KALRN: variants seen among roughly 807,000 people sequenced by gnomAD.
KALRN encodes the protein kalirin.
Under a neutral mutation model 353.7 loss-of-function variants are expected in KALRN, and 70 were observed. The ratio of observed to expected loss-of-function variants is 0.20; its 90% confidence interval spans 0.16 to 0.24. The LOEUF (loss-of-function observed/expected upper bound fraction) is 0.24, where lower values mean the gene tolerates loss of function less well. Among genes scored for constraint, KALRN ranks in the 10% least tolerant of loss-of-function variants. KALRN has a pLI of 1.00. For missense variants in KALRN, 2,791 were observed against 3,756.7 expected (o/e 0.74, Z 6.72); for synonymous variants, 1,391 against 1,434.8 (o/e 0.97, Z 0.69).
intron 13 of KALRN, chr3:124,410,190 C>T (rs2092011545): frequency 1.9e-6 from 1 of 532,420 alleles, no homozygotes; most frequent in Non-Finnish European, 3.9e-6. Flanking sequence ...TCTGACGTGA[C>T]TCTCTTCTCC....
At chr3:124,515,302 G>A (rs2108902459) in intron 33 of KALRN, among the ~76,000 whole-genome samples, 1 of 152,224 alleles carries the variant, frequency 6.6e-6, no homozygotes, top group Non-Finnish European at 1.5e-5. Flanking sequence ...GGAGATAGGG[G>A]AAATTTTAGC....
In KALRN at chr3:124,033,452, C is replaced by T. The variant is rs911900431; in HGVS notation, c.-289C>T. On this transcript the variant is annotated 5_prime_UTR_variant, in exon 1 of 60. Coordinates refer to ENST00000682506, the MANE Select transcript of KALRN (RefSeq NM_001388419.1). This position sits in a 1 kb window ranked among gnomAD's most constrained non-coding sequence, Gnocchi z 6.2. The stretch of plus-strand genomic sequence containing the variant: ...GGCGCCCAGGCAGCCCGCACCCCGG[C>T]CCCGGGCCCCGGCCCCAGCCAGACA... 6.6e-6 allele frequency among the ~76,000 whole-genome samples: 1 copy of T among 151,840 alleles called. No homozygotes were observed. The highest frequency in any genetic ancestry group is 2.4e-5 in the African/African-American group (1 of 41,408).
At chr3:124,612,704 A>G (rs1449243138) in intron 34 of KALRN, among the ~76,000 whole-genome samples, 1 of 152,190 alleles carries the variant, frequency 6.6e-6, no homozygotes, top group African/African-American at 2.4e-5. Flanking sequence ...TTAGTTTCTT[A>G]TCTGACTCCC....
At position 124,051,076 on chromosome 3, in the gene KALRN, C is replaced by T. The variant is rs1403698004; in HGVS notation, c.73+17263C>T. On this transcript the variant is annotated intron_variant, in intron 1 of 59. Transcript: ENST00000682506. The stretch of plus-strand genomic sequence containing the variant: ...ATGAGGCTCCCGAGATTGCCTTCAT[C>T]GGGATTCCATGTATATACATGTATA... Among the ~76,000 whole-genome samples the T allele has an allele frequency of 3.9e-5, 6 of 152,176 alleles. No individual in the cohort carries two copies. The East Asian group carries it at 9.6e-4, about 24-fold the overall frequency.
At chr3:124,708,711 T>A (rs2062753500) in intron 57 of KALRN, among the ~76,000 whole-genome samples, 1 of 151,706 alleles carries the variant, frequency 6.6e-6, no homozygotes. Context: ...GCAGAAAAAA[T>A]TTTTGAAGAA....
chr3:124,524,020 A>G (rs2067375378), intron 33 of KALRN, among the ~76,000 whole-genome samples: 1 of 152,226 alleles, frequency 6.6e-6, no homozygotes. Context: ...TTTACTATGT[A>G]TCAGACACTC....
chr3:124,259,563 T>C (rs560153161), intron 3 of KALRN, among the ~76,000 whole-genome samples: 19 of 152,210 alleles, frequency 1.2e-4, no homozygotes, highest in African/African-American at 4.3e-4. Flanking sequence ...CACAGAGGGG[T>C]TCCACAGTAA....
intron 3 of KALRN, among the ~76,000 whole-genome samples, chr3:124,258,928 C>T (rs546559140): frequency 6.6e-6 from 1 of 152,220 alleles, no homozygotes; most frequent in East Asian, 1.9e-4. Context: ...TATGGAGGGC[C>T]AACTGTATAC....
intron 1 of KALRN, among the ~76,000 whole-genome samples, chr3:124,095,113 G>T (rs1287460910): frequency 6.6e-6 from 1 of 152,158 alleles, no homozygotes; most frequent in Non-Finnish European, 1.5e-5. Flanking sequence ...GGAATCGGGA[G>T]CACAGGGTCA....
At chr3:124,396,501 C>G (rs531754250) in intron 12 of KALRN, among the ~76,000 whole-genome samples, 2 of 152,306 alleles carry the variant, frequency 1.3e-5, no homozygotes, top group African/African-American at 4.8e-5. Flanking sequence ...CTGTCATTTG[C>G]TTCCGAAGAG....
chr3:124,495,964 T>TATATATATAC, intron 32 of KALRN, among the ~76,000 whole-genome samples: 1 of 21,884 alleles, frequency 4.6e-5, no homozygotes, highest in Non-Finnish European at 7.9e-5. Context: ...TGTGTATGTA[T>TATATATATAC]GTATATATAT....
chr3:124,589,936 G>A (rs1011044723), intron 34 of KALRN, among the ~76,000 whole-genome samples: 1 of 152,218 alleles, frequency 6.6e-6, no homozygotes, highest in Non-Finnish European at 1.5e-5. Context: ...TGGATACACA[G>A]GGCCTACTGT....
At chr3:124,566,996 A>G (rs1004681416) in intron 34 of KALRN, among the ~76,000 whole-genome samples, 2 of 152,178 alleles carry the variant, frequency 1.3e-5, no homozygotes, top group African/African-American at 4.8e-5. Flanking sequence ...TGCTCAGGCC[A>G]TGACTATCAC....
chr3:124,131,636 C>G (rs2065289493), intron 1 of KALRN, among the ~76,000 whole-genome samples: 1 of 152,168 alleles, frequency 6.6e-6, no homozygotes, highest in South Asian at 2.1e-4. Flanking sequence ...GCTCAGGGCT[C>G]TCAGTGGCAG....
intron 1 of KALRN, among the ~76,000 whole-genome samples, chr3:124,048,825 A>G (rs1577558905): frequency 6.6e-6 from 1 of 152,172 alleles, no homozygotes; most frequent in Non-Finnish European, 1.5e-5. Context: ...TGTTGTGAGG[A>G]TGTGTTACTT....
chr3:124,128,355 G>A (rs774969611), intron 1 of KALRN, among the ~76,000 whole-genome samples: 1 of 152,134 alleles, frequency 6.6e-6, no homozygotes, highest in Non-Finnish European at 1.5e-5. Flanking sequence ...CTCTCCACTT[G>A]CTACTTTTTG....
chr3:124,418,074 G>A (rs1240745525), intron 14 of KALRN, among the ~76,000 whole-genome samples: 1 of 152,104 alleles, frequency 6.6e-6, no homozygotes, highest in East Asian at 1.9e-4. Flanking sequence ...GGGTGGAACA[G>A]ATGTAGGTAA....
At chr3:124,281,908 C>T (rs574715832) in intron 5 of KALRN, among the ~76,000 whole-genome samples, 99 of 152,322 alleles carry the variant, frequency 6.5e-4, no homozygotes, top group African/African-American at 2.4e-3. Flanking sequence ...ACTGAGCTGA[C>T]ACAAGAGCAC....
chr3:124,591,752 C>T (rs1386912228), intron 34 of KALRN, among the ~76,000 whole-genome samples: 1 of 152,162 alleles, frequency 6.6e-6, no homozygotes, highest in East Asian at 1.9e-4. Context: ...AGGGGACTCC[C>T]AGCTAAATAT....
Sources: gnomAD v4.1 joint callset for allele counts (sites outside exome capture counted in the v4.1 genomes callset) on GRCh38, gnomAD v4.1.1 for gene constraint, Gnocchi (gnomAD v3.1) non-coding constraint, MANE v1.5 for transcripts, NCBI Gene and HGNC (gene_info 2026-07-23, HGNC 2026-07-21) for gene names.